Variants in NAALADL2 observed in about 807,000 individuals in gnomAD.
NAALADL2 encodes N-acetylated alpha-linked acidic dipeptidase like 2, also known as inactive N-acetylated-alpha-linked acidic dipeptidase-like protein 2.
A neutral mutation model predicts 87.2 loss-of-function variants in NAALADL2; 76 were observed. The observed-to-expected ratio is 0.87, with a 90% CI of 0.72 to 1.05. The LOEUF (loss-of-function observed/expected upper bound fraction) is 1.05. Ranked by LOEUF, NAALADL2 falls within the 50% of genes least tolerant of loss-of-function variation. The pLI, the probability that NAALADL2 is intolerant of heterozygous loss-of-function variation, is 0.00. For synonymous variants in NAALADL2, 354 were observed against 331.0 expected (o/e 1.07, Z -0.75); for missense variants, 1,089 against 945.8 (o/e 1.15, Z -1.99).
chr3:174,594,171 A>G (rs947794478), intron 2 of NAALADL2, among the ~76,000 whole-genome samples: 14 of 152,202 alleles, frequency 9.2e-5, no homozygotes, highest in African/African-American at 2.9e-4. Flanking sequence ...ATACTTGGGC[A>G]TAATAATTGC....
At chr3:175,460,959 C>T (rs532407331) in intron 6 of NAALADL2, among the ~76,000 whole-genome samples, 1 of 152,308 alleles carries the variant, frequency 6.6e-6, no homozygotes, top group South Asian at 2.1e-4. Context: ...ATTCCCTTAT[C>T]TGTCCCCACC....
chr3:175,705,553 A>AG (rs1328911311), intron 11 of NAALADL2, among the ~76,000 whole-genome samples: 8 of 138,096 alleles, frequency 5.8e-5, no homozygotes, highest in Non-Finnish European at 1.2e-4. Flanking sequence ...AGAAAGAAGA[A>AG]GAAAAAAAAA....
chr3:174,949,300 C>T (rs1739964374), intron 1 of NAALADL2, among the ~76,000 whole-genome samples: 1 of 152,104 alleles, frequency 6.6e-6, no homozygotes, highest in African/African-American at 2.4e-5. Context: ...CCCCAGAAAG[C>T]CAATTGGAAT....
At chr3:175,776,981 A>C (rs1750332824) in intron 13 of NAALADL2, among the ~76,000 whole-genome samples, 1 of 151,932 alleles carries the variant, frequency 6.6e-6, no homozygotes, top group African/African-American at 2.4e-5. Context: ...AACTGACTAC[A>C]TTGTTAGAAA....
At chr3:175,017,340 G>A (rs1025017202) in intron 1 of NAALADL2, among the ~76,000 whole-genome samples, 16 of 152,000 alleles carry the variant, frequency 1.1e-4, no homozygotes, top group African/African-American at 3.1e-4. Flanking sequence ...ATTCTGTTGC[G>A]AATCTTCACA....
intron 5 of NAALADL2, among the ~76,000 whole-genome samples, chr3:175,376,709 C>T (rs1242922950): frequency 1.3e-5 from 2 of 152,028 alleles, no homozygotes; most frequent in Non-Finnish European, 2.9e-5. Context: ...TATTTTTCTC[C>T]TTCCCCCATT....
chr3:174,908,082 A>G (rs1446312118), intron 1 of NAALADL2, among the ~76,000 whole-genome samples: 1 of 93,600 alleles, frequency 1.1e-5, no homozygotes, highest in African/African-American at 4.1e-5. Flanking sequence ...CTCCCACTTG[A>G]TTTTACAAGT....
At chr3:175,202,599 C>T (rs1254345504) in intron 2 of NAALADL2, among the ~76,000 whole-genome samples, 1 of 152,146 alleles carries the variant, frequency 6.6e-6, no homozygotes, top group African/African-American at 2.4e-5. Flanking sequence ...GGTGGGCCTC[C>T]TGCCTGGAGG....
At chr3:175,064,268 G>A (rs576873025) in intron 1 of NAALADL2, among the ~76,000 whole-genome samples, 10 of 149,542 alleles carry the variant, frequency 6.7e-5, no homozygotes, top group Admixed American at 6.7e-4. Flanking sequence ...AAAGAAAAAC[G>A]ACAACAAAAC....
rs146263988 is a variant in NAALADL2, at chr3:175,052,644, G to A, written c.44-44146G>A. Among the ~76,000 whole-genome samples, 1,332 of 152,210 alleles carry A rather than the reference G, an allele frequency of 8.8e-3. 30 individuals carry two copies. The highest frequency in any genetic ancestry group is 0.03 in the African/African-American group (1,239 of 41,546). On this transcript the variant is annotated intron_variant, in intron 1 of 13. Coordinates refer to ENST00000454872, the MANE Select transcript of NAALADL2 (RefSeq NM_207015.3). ...CTCCAGTTCCTGGCATTAAGGTCAG[G>A]TGTACCTGGGATGTTTTAAATATTT...
At chr3:174,774,817 G>C (rs1398357062) in intron 3 of NAALADL2, among the ~76,000 whole-genome samples, 18 of 152,166 alleles carry the variant, frequency 1.2e-4, no homozygotes, top group Admixed American at 1.2e-3. Context: ...TAAGTAATGA[G>C]AGATCATGCT....
intron 11 of NAALADL2, among the ~76,000 whole-genome samples, chr3:175,709,173 A>G (rs987702369): frequency 3.3e-5 from 5 of 152,048 alleles, no homozygotes; most frequent in African/African-American, 7.2e-5. Flanking sequence ...TACCACAAAT[A>G]TTTTCCTCAG....
chr3:175,482,180 TTAAAG>T (rs1181925304), intron 9 of NAALADL2, among the ~76,000 whole-genome samples: 8 of 152,010 alleles, frequency 5.3e-5, no homozygotes, highest in Non-Finnish European at 8.8e-5. Flanking sequence ...AGCATGAATG[TTAAAG>T]TAATCATTAG....
At chr3:175,430,212 C>A (rs1717523741) in intron 5 of NAALADL2, among the ~76,000 whole-genome samples, 1 of 151,836 alleles carries the variant, frequency 6.6e-6, no homozygotes, top group African/African-American at 2.4e-5. Flanking sequence ...TGAGAACTAC[C>A]ATTCTAAATT....
intron 11 of NAALADL2, chr3:175,718,380 T>C: frequency 6.3e-7 from 1 of 1,595,972 alleles, no homozygotes; most frequent in South Asian, 1.1e-5. Flanking sequence ...ACCACTCCAT[T>C]AGAACTATTT....
In NAALADL2 at chr3:175,508,605, C is replaced by T. The variant is rs561395780; in HGVS notation, c.1653+36847C>T. On this transcript the variant is annotated intron_variant, in intron 9 of 13. Transcript: ENST00000454872. ...TTCTCAACGTAATTGTTTTTATTTT[C>T]TTTTCCTCTTGCTTATCTAGCCAGT... 2.0e-5 allele frequency among the ~76,000 whole-genome samples: 3 copies of T among 152,204 alleles called. 1 individual carries two copies. The South Asian group carries it at 6.2e-4, about 32-fold the overall frequency.
At chr3:175,349,752 C>T (rs1763546746) in intron 5 of NAALADL2, among the ~76,000 whole-genome samples, 3 of 152,022 alleles carry the variant, frequency 2.0e-5, no homozygotes. Flanking sequence ...CTATTTGCAC[C>T]ATAGTAGCCA....
At chr3:174,861,830 G>A (rs1726542209) in intron 1 of NAALADL2, among the ~76,000 whole-genome samples, 1 of 151,876 alleles carries the variant, frequency 6.6e-6, no homozygotes, top group Admixed American at 6.6e-5. Context: ...GGGGTTAGTT[G>A]CATGTGCCCT....
At chr3:175,784,333 T>A (rs1308749231) in intron 13 of NAALADL2, among the ~76,000 whole-genome samples, 5 of 152,104 alleles carry the variant, frequency 3.3e-5, no homozygotes, top group Admixed American at 6.5e-5. Flanking sequence ...CATCTGGTCC[T>A]GGACTATTTT....
Sources: gnomAD v4.1 joint callset for allele counts (sites outside exome capture counted in the v4.1 genomes callset) on GRCh38, gnomAD v4.1.1 for gene constraint, MANE v1.5 for transcripts, NCBI Gene and HGNC (gene_info 2026-07-23, HGNC 2026-07-21) for gene names.